Variants in FBXO25 observed in about 807,000 individuals in gnomAD.
FBXO25 encodes the protein F-box protein 25.
In FBXO25, 45 loss-of-function variants were observed where a neutral mutation model predicts 51.9. The ratio of observed to expected loss-of-function variants is 0.87; its 90% confidence interval spans 0.68 to 1.11. The LOEUF (loss-of-function observed/expected upper bound fraction) is 1.11. Ranked by LOEUF, FBXO25 falls within the 50% of genes most tolerant of loss-of-function variation. The pLI, the probability that FBXO25 is intolerant of heterozygous loss-of-function variation, is 0.00. For missense variants in FBXO25, 507 were observed against 428.5 expected, an observed-to-expected ratio of 1.18 and a Z score of -1.62; for synonymous variants, 199 against 151.0, an observed-to-expected ratio of 1.32 and a Z score of -2.33.
intron 7 of FBXO25, among the ~76,000 whole-genome samples, chr8:456,365 C>T (rs1002030619): frequency 6.6e-6 from 1 of 152,066 alleles, no homozygotes; most frequent in South Asian, 2.1e-4. Context: ...GTGAGCCACC[C>T]GGCCTGGCCA....
Position 443,583 on chromosome 8 carries a change from C to G in FBXO25, c.382-6407C>G, listed in dbSNP as rs952348489. ...AAATAGAATGACTTCTCACAGACCA[C>G]TGCTTGAGCAACTTGTGAGCTGTAG... On this transcript the variant is annotated intron_variant, in intron 5 of 9. Coordinates refer to ENST00000350302, the MANE Select transcript of FBXO25 (RefSeq NM_183420.2). Among the ~76,000 whole-genome samples, 19 of 151,032 alleles carry G rather than the reference C, an allele frequency of 1.3e-4. 2 individuals are homozygous for G. Among genetic ancestry groups the G allele is most frequent in the African/African-American group, 4.6e-4 (19 of 40,962 alleles).
intron 2 of FBXO25, among the ~76,000 whole-genome samples, chr8:413,649 C>T (rs118079287): frequency 0.063 from 9,523 of 152,210 alleles, 323 homozygotes; most frequent in Middle Eastern, 0.082. Context: ...TCTGTCTTGT[C>T]GCTCTGCCAT....
Position 461,269 on chromosome 8 carries a change from A to G in FBXO25, c.844-1738A>G, listed in dbSNP as rs368271733. Among the ~76,000 whole-genome samples the G allele has an allele frequency of 9.2e-5, 14 of 152,356 alleles. No homozygotes were observed. The South Asian group carries it at 2.7e-3, about 29-fold the overall frequency. On this transcript the variant is annotated intron_variant, in intron 8 of 9. Coordinates refer to ENST00000350302, the MANE Select transcript of FBXO25 (RefSeq NM_183420.2). Reference sequence around the variant, plus strand: ...TCGATGTTAGGATATTGGCATCTGTATTAGTCCATTCTCCGCTGCCAATAA... The same window carrying G: ...TCGATGTTAGGATATTGGCATCTGTGTTAGTCCATTCTCCGCTGCCAATAA...
In FBXO25 at chr8:469,842, A is replaced by G. The variant is rs1424317304; in HGVS notation, c.*1038A>G. ...ATCATTTCTACTTTTTCCTTTAAGC[A>G]TAATAATAAAAGTATACTTTTATGG... On this transcript the variant is annotated 3_prime_UTR_variant, in exon 10 of 10. Coordinates refer to ENST00000350302, the MANE Select transcript of FBXO25 (RefSeq NM_183420.2). 6.6e-6 allele frequency: 1 copy of G among 152,016 alleles called. No individual in the cohort carries two copies. The highest frequency in any genetic ancestry group is 1.5e-5 in the Non-Finnish European group (1 of 68,026). 9.4% of individuals were successfully genotyped at this position (152,016 alleles called of 1,614,324 possible). A position where few individuals can be genotyped will look rare whatever the true frequency, so the allele number is the denominator to read the frequency against.
chr8:453,678 AG>A (rs1799237718), intron 7 of FBXO25, among the ~76,000 whole-genome samples: 1 of 152,112 alleles, frequency 6.6e-6, no homozygotes, highest in Non-Finnish European at 1.5e-5. Context: ...GGGTTAGAAC[AG>A]AGCAGCTGAG....
At chr8:430,228 A>G (rs868436750) in intron 2 of FBXO25, among the ~76,000 whole-genome samples, 1 of 152,238 alleles carries the variant, frequency 6.6e-6, no homozygotes. Flanking sequence ...TACATTCAGT[A>G]TTTCAATCAA....
In FBXO25 at chr8:458,519, A is replaced by C. The variant is rs1799600527; in HGVS notation, c.811A>C (p.Lys271Gln). 2 of 1,614,180 alleles carry C rather than the reference A, an allele frequency of 1.2e-6. No homozygotes were observed. Among genetic ancestry groups the C allele is most frequent in the Non-Finnish European group, 1.7e-6 (2 of 1,180,014 alleles). The change falls in exon 8 of 10, where the codon AAG becomes CAG. Residue 271 changes from lysine (K) to glutamine (Q), a missense_variant. Coordinates refer to ENST00000350302, the MANE Select transcript of FBXO25 (RefSeq NM_183420.2). ...TAGTGAAGACAGACAGCTGTGGAAGAAGCTTTGTCAGTACCATTTTGCTGA... is the reference window on the plus strand; with the variant it reads ...TAGTGAAGACAGACAGCTGTGGAAGCAGCTTTGTCAGTACCATTTTGCTGA... The part of the protein sequence containing the change: ...MLSEDRQLWK[K>Q]LCQYHFAEKQ...
chr8:467,900 T>G (rs1800286983), intron 9 of FBXO25: 5 of 1,507,978 alleles, frequency 3.3e-6, no homozygotes, highest in Non-Finnish European at 4.4e-6. Context: ...GAGTGGCCAC[T>G]TTGATCAAAC....
rs1321909407 is a variant in FBXO25 at position 470,452 on chromosome 8, C to G, written c.*1648C>G. On this transcript the variant is annotated 3_prime_UTR_variant, in exon 10 of 10. Transcript: ENST00000350302. Reference sequence around the variant, plus strand: ...CTTACTGCAACCTCTGTCCCCCAGGCTCAAGTGATCCTCCCACCTCACCCT... The same window carrying G: ...CTTACTGCAACCTCTGTCCCCCAGGGTCAAGTGATCCTCCCACCTCACCCT... The G allele has an allele frequency of 1.3e-5, 2 of 152,132 alleles. No homozygotes were observed. The highest frequency in any genetic ancestry group is 2.9e-5 in the Non-Finnish European group (2 of 68,088). The allele number at this position is 152,132 out of a possible 1,614,324, so 9.4% of individuals were successfully genotyped here. A position where few individuals can be genotyped will look rare whatever the true frequency, so the allele number is the denominator to read the frequency against.
At chr8:450,131 T>G in intron 6 of FBXO25, 48 bp downstream of exon 6, 1 of 1,409,338 alleles carries the variant, frequency 7.1e-7, no homozygotes, top group Non-Finnish European at 9.9e-7. Context: ...AATTAGAAAT[T>G]TGGTGCAAGG....
intron 9 of FBXO25, among the ~76,000 whole-genome samples, chr8:464,081 A>C (rs1231246612): frequency 6.6e-6 from 1 of 151,942 alleles, no homozygotes; most frequent in Non-Finnish European, 1.5e-5. Flanking sequence ...TGATTCTCCC[A>C]CCTCAGCCTC....
In FBXO25 at chr8:477,325, G is replaced by GA. The variant is rs1563108191; in HGVS notation, c.*8521_*8522insA. On this transcript the variant is annotated 3_prime_UTR_variant, in exon 10 of 10. Coordinates refer to ENST00000350302, the MANE Select transcript of FBXO25 (RefSeq NM_183420.2). ...TGTCTTGCGACTGATCTTCTGTCTG[G>GA]TTGTCCTATCCGTTACTGAAAGTGG... 2.6e-5 allele frequency: 4 copies of GA among 152,092 alleles called. No homozygotes were observed. The highest frequency in any genetic ancestry group is 5.9e-5 in the Non-Finnish European group (4 of 68,028). 9.4% of individuals were successfully genotyped at this position (152,092 alleles called of 1,614,324 possible).
Position 407,490 on chromosome 8 carries a change from C to T in FBXO25, c.-8+424C>T, listed in dbSNP as rs969529661. ...CGGGCGAGTCGGGTGGGCACGGGGG[C>T]CGCCCACAGGTGCACCGCGCGTCCT... is the stretch of plus-strand genomic sequence containing the variant. On this transcript the variant is annotated intron_variant, in intron 1 of 9. Coordinates refer to ENST00000350302, the MANE Select transcript of FBXO25 (RefSeq NM_183420.2). 1.1e-5 allele frequency: 11 copies of T among 958,094 alleles called. No individual in the cohort carries two copies. In the African/African-American group the frequency reaches 1.4e-4, roughly 12 times the overall value. The allele number at this position is 958,094 out of a possible 1,614,324, so 59.3% of individuals were successfully genotyped here. A position where few individuals can be genotyped will look rare whatever the true frequency, so the allele number is the denominator to read the frequency against.
chr8:434,922 C>G (rs1321273988), intron 4 of FBXO25, among the ~76,000 whole-genome samples: 4 of 152,100 alleles, frequency 2.6e-5, no homozygotes, highest in Admixed American at 6.6e-5. Context: ...GTCTAAACAC[C>G]AGTTTTTTTT....
At position 458,556 on chromosome 8, in the gene FBXO25, G is replaced by A; in HGVS notation, c.843+5G>A. The A allele has an allele frequency of 6.2e-7, 1 of 1,613,602 alleles. No individual in the cohort carries two copies. The highest frequency in any genetic ancestry group is 8.5e-7 in the Non-Finnish European group (1 of 1,179,670). On this transcript the variant is annotated splice_donor_5th_base_variant and intron_variant, in intron 8 of 9. Transcript: ENST00000350302. ...TACCATTTTGCTGAAAAGCAGGTGAGTGGGATGCAGCAGTCTCCCCTCAGG... is the reference window on the plus strand; with the variant it reads ...TACCATTTTGCTGAAAAGCAGGTGAATGGGATGCAGCAGTCTCCCCTCAGG...
At chr8:412,730 A>C (rs1489251686) in intron 1 of FBXO25, among the ~76,000 whole-genome samples, 1 of 152,174 alleles carries the variant, frequency 6.6e-6, no homozygotes, top group Non-Finnish European at 1.5e-5. Flanking sequence ...GTTGCTTCTA[A>C]CTTCTGGCAA....
rs964606478 is a variant in FBXO25, at chr8:475,418, G to A, written c.*6614G>A. The A allele has an allele frequency of 1.1e-4, 17 of 154,878 alleles. No homozygotes were observed. The highest frequency in any genetic ancestry group is 3.6e-4 in the African/African-American group (15 of 41,392). 9.6% of individuals were successfully genotyped at this position (154,878 alleles called of 1,614,324 possible). A position where few individuals can be genotyped will look rare whatever the true frequency, so the allele number is the denominator to read the frequency against. On this transcript the variant is annotated 3_prime_UTR_variant, in exon 10 of 10. Coordinates refer to ENST00000350302, the MANE Select transcript of FBXO25 (RefSeq NM_183420.2). ...TCCCTTTCAAGATGATTTTGGCTGTGTGAGGTCTCTTGAGATTCCATATGA... is the reference window on the plus strand; with the variant it reads ...TCCCTTTCAAGATGATTTTGGCTGTATGAGGTCTCTTGAGATTCCATATGA...
At chr8:446,538 A>C (rs1798750480) in intron 5 of FBXO25, among the ~76,000 whole-genome samples, 1 of 152,176 alleles carries the variant, frequency 6.6e-6, no homozygotes, top group African/African-American at 2.4e-5. Flanking sequence ...GATAATGCTG[A>C]TAACCTCAGT....
chr8:419,594 A>C (rs1167293374), intron 2 of FBXO25, among the ~76,000 whole-genome samples: 1 of 152,182 alleles, frequency 6.6e-6, no homozygotes, highest in African/African-American at 2.4e-5. Flanking sequence ...ATGGGCTAGA[A>C]AACTAGATGT....
Sources: gnomAD v4.1 joint callset for allele counts (sites outside exome capture counted in the v4.1 genomes callset) on GRCh38, gnomAD v4.1.1 for gene constraint, MANE v1.5 for transcripts, NCBI Gene and HGNC (gene_info 2026-07-23, HGNC 2026-07-21) for gene names.